BASP1: variants seen among roughly 807,000 people sequenced by gnomAD.
BASP1 encodes brain abundant membrane attached signal protein 1, also known as brain acid soluble protein 1.
In BASP1, 1 loss-of-function variant was observed where a neutral mutation model predicts 2.2. The observed-to-expected ratio is 0.46, with a 90% CI of 0.16 to 2.17. The LOEUF is 2.17. Ranked by LOEUF, BASP1 falls within the 30% of genes most tolerant of loss-of-function variation. The pLI is 0.27. For missense variants in BASP1, 352 were observed against 327.2 expected, an observed-to-expected ratio of 1.08 and a Z score of -0.58; for synonymous variants, 187 against 154.2, an observed-to-expected ratio of 1.21 and a Z score of -1.58.
At chr5:17,248,488 A>C (rs905371197) in intron 1 of BASP1, among the ~76,000 whole-genome samples, 43 of 152,198 alleles carry the variant, frequency 2.8e-4, no homozygotes, top group African/African-American at 1.0e-3. Context: ...ACTGCTGCAG[A>C]ACCATCAGAA....
At position 17,275,199 on chromosome 5, in the gene BASP1, T is replaced by C. The variant is rs1740607726; in HGVS notation, c.-9-9T>C. On this transcript the variant is annotated splice_polypyrimidine_tract_variant and intron_variant, in intron 1 of 1. Coordinates refer to ENST00000322611, the MANE Select transcript of BASP1 (RefSeq NM_006317.5). The surrounding 1 kb of genome is among the most constrained non-coding windows in gnomAD (Gnocchi z 5.3). Reference sequence around the variant, plus strand: ...CCGCCGTTTTGTTTTGTTTTGTGTTTGCTTCCAGAACTCCAAGATGGGAGG... The same window carrying C: ...CCGCCGTTTTGTTTTGTTTTGTGTTCGCTTCCAGAACTCCAAGATGGGAGG... 1 of 1,612,358 alleles carries C rather than the reference T, an allele frequency of 6.2e-7. No homozygotes were observed. The highest frequency in any genetic ancestry group is 2.2e-5 in the East Asian group (1 of 44,818).
Position 17,276,129 on chromosome 5 carries a change from A to C in BASP1, c.*229A>C. 4 of 379,294 alleles carry C rather than the reference A, an allele frequency of 1.1e-5. No homozygotes were observed. The highest frequency in any genetic ancestry group is 4.1e-5 in the East Asian group (1 of 24,182). The allele number at this position is 379,294 out of a possible 1,614,324, so 23.5% of individuals were successfully genotyped here. ...GGAGGGAGGGGGTGGGAGAATCCAA[A>C]TAGTATTTTTGTGGGGAAATATCTA... On this transcript the variant is annotated 3_prime_UTR_variant, in exon 2 of 2. Coordinates refer to ENST00000322611, the MANE Select transcript of BASP1 (RefSeq NM_006317.5).
chr5:17,274,733 T>C (rs1282164936), intron 1 of BASP1, among the ~76,000 whole-genome samples: 1 of 152,258 alleles, frequency 6.6e-6, no homozygotes, highest in East Asian at 1.9e-4. Flanking sequence ...ACTGAGCTCC[T>C]TAATTTCTTT....
chr5:17,224,774 T>G (rs1236185877), intron 1 of BASP1, among the ~76,000 whole-genome samples: 3 of 152,208 alleles, frequency 2.0e-5, no homozygotes, highest in Non-Finnish European at 4.4e-5. Context: ...ACATTGCAGA[T>G]GGAAGTCATA....
intron 1 of BASP1, among the ~76,000 whole-genome samples, chr5:17,264,400 A>G (rs1054243874): frequency 2.0e-5 from 3 of 152,172 alleles, no homozygotes; most frequent in African/African-American, 7.2e-5. Flanking sequence ...TTGCTTGTAG[A>G]TGCAACTCAG....
chr5:17,226,805 C>T (rs1043865066), intron 1 of BASP1, among the ~76,000 whole-genome samples: 1 of 152,192 alleles, frequency 6.6e-6, no homozygotes, highest in Non-Finnish European at 1.5e-5. Context: ...TGACTTCCCA[C>T]TCCTTAATTC....
At chr5:17,257,878 T>G (rs1316643491) in intron 1 of BASP1, among the ~76,000 whole-genome samples, 1 of 152,140 alleles carries the variant, frequency 6.6e-6, no homozygotes, top group Admixed American at 6.5e-5. Context: ...AGAAAGGAGC[T>G]TACAGAGCCA....
intron 1 of BASP1, among the ~76,000 whole-genome samples, chr5:17,270,958 A>G (rs1323631612): frequency 6.6e-6 from 1 of 152,204 alleles, no homozygotes; most frequent in Non-Finnish European, 1.5e-5. Context: ...CCCAATGTGC[A>G]AAGTCTCCTT....
intron 1 of BASP1, among the ~76,000 whole-genome samples, chr5:17,254,749 T>C (rs1255634988): frequency 6.6e-6 from 1 of 152,214 alleles, no homozygotes; most frequent in Non-Finnish European, 1.5e-5. Flanking sequence ...GTATGTACCA[T>C]GCTTAGGACT....
intron 1 of BASP1, among the ~76,000 whole-genome samples, chr5:17,248,219 A>G (rs959712074): frequency 5.9e-5 from 9 of 152,216 alleles, no homozygotes; most frequent in Non-Finnish European, 1.3e-4. Flanking sequence ...AATTTAACCC[A>G]GTGCTTGTAA....
chr5:17,232,725 T>G (rs978555559), intron 1 of BASP1, among the ~76,000 whole-genome samples: 13 of 152,104 alleles, frequency 8.5e-5, no homozygotes, highest in Admixed American at 5.9e-4. Flanking sequence ...TCTTTTTCTT[T>G]TTTTTTTGGA....
At chr5:17,248,454 A>G (rs1230442668) in intron 1 of BASP1, among the ~76,000 whole-genome samples, 4 of 152,204 alleles carry the variant, frequency 2.6e-5, no homozygotes, top group African/African-American at 7.2e-5. Context: ...ATAGTGGACT[A>G]TGCTGTGTTA....
intron 1 of BASP1, among the ~76,000 whole-genome samples, chr5:17,219,679 A>G (rs1486919998): frequency 6.6e-6 from 1 of 152,212 alleles, no homozygotes; most frequent in Non-Finnish European, 1.5e-5. Flanking sequence ...CACCTGGGGA[A>G]AATTAAGACA....
chr5:17,275,940 A>G lies in BASP1; in HGVS notation c.*40A>G. ...AGGAAAAACAATACCACTTAAAACA[A>G]TCTCCTCTCTCTCTCTCTCTCTCTC... On this transcript the variant is annotated 3_prime_UTR_variant, in exon 2 of 2. Transcript: ENST00000322611. This position sits in a 1 kb window ranked among gnomAD's most constrained non-coding sequence, Gnocchi z 5.3. 2.3e-6 allele frequency: 3 copies of G among 1,294,172 alleles called. No individual in the cohort carries two copies. The highest frequency in any genetic ancestry group is 1.9e-5 in the South Asian group (1 of 52,608). The allele number at this position is 1,294,172 out of a possible 1,614,324, so 80.2% of individuals were successfully genotyped here.
At position 17,260,925 on chromosome 5, in the gene BASP1, C is replaced by T. The variant is rs558892436; in HGVS notation, c.-9-14283C>T. 3.0e-4 allele frequency among the ~76,000 whole-genome samples: 46 copies of T among 152,218 alleles called. No homozygotes were observed. Among genetic ancestry groups the T allele is most frequent in the Non-Finnish European group, 4.4e-4 (30 of 68,036 alleles). ...TGGTGGTGGCTAACACCTGTAATCC[C>T]AGCACTTTGGGAGACCAGGGTGGGA... On this transcript the variant is annotated intron_variant, in intron 1 of 1. Coordinates refer to ENST00000322611, the MANE Select transcript of BASP1 (RefSeq NM_006317.5). This position sits in a 1 kb window ranked among gnomAD's most constrained non-coding sequence, Gnocchi z 4.2.
intron 1 of BASP1, among the ~76,000 whole-genome samples, chr5:17,243,132 C>T (rs1194436327): frequency 2.6e-5 from 4 of 151,600 alleles, no homozygotes; most frequent in East Asian, 3.9e-4. Flanking sequence ...ATGATAAAGC[C>T]ACTGAGACTT....
At chr5:17,242,826 G>GA (rs1307736083) in intron 1 of BASP1, among the ~76,000 whole-genome samples, 5 of 146,032 alleles carry the variant, frequency 3.4e-5, no homozygotes, top group Non-Finnish European at 4.5e-5. Flanking sequence ...GTAAGTCTAG[G>GA]AAAAAAAAAG....
At position 17,275,973 on chromosome 5, in the gene BASP1, C is replaced by G; in HGVS notation, c.*73C>G. 1 of 1,196,162 alleles carries G rather than the reference C, an allele frequency of 8.4e-7. No individual in the cohort carries two copies. The highest frequency in any genetic ancestry group is 1.1e-6 in the Non-Finnish European group (1 of 882,972). The allele number at this position is 1,196,162 out of a possible 1,614,324, so 74.1% of individuals were successfully genotyped here. Reference sequence around the variant, plus strand: ...TCTCTCTCTCTCTCTCTCTCTCTATCTCTCTCTCTATCTCCTCTCTCTCTC... The same window carrying G: ...TCTCTCTCTCTCTCTCTCTCTCTATGTCTCTCTCTATCTCCTCTCTCTCTC... On this transcript the variant is annotated 3_prime_UTR_variant, in exon 2 of 2. Coordinates refer to ENST00000322611, the MANE Select transcript of BASP1 (RefSeq NM_006317.5). The surrounding 1 kb of genome is among the most constrained non-coding windows in gnomAD (Gnocchi z 5.3).
intron 1 of BASP1, among the ~76,000 whole-genome samples, chr5:17,249,908 C>T (rs1168377654): frequency 6.6e-6 from 1 of 151,926 alleles, no homozygotes; most frequent in African/African-American, 2.4e-5. Flanking sequence ...CTGTTTTGTC[C>T]ACCTATACTG....
Sources: gnomAD v4.1 joint callset for allele counts (sites outside exome capture counted in the v4.1 genomes callset) on GRCh38, gnomAD v4.1.1 for gene constraint, Gnocchi (gnomAD v3.1) non-coding constraint, MANE v1.5 for transcripts, NCBI Gene and HGNC (gene_info 2026-07-23, HGNC 2026-07-21) for gene names.